NBAS: variants seen among roughly 807,000 people sequenced by gnomAD.
The protein encoded by NBAS is NAG/BC035112 fusion.
In NBAS, 219 loss-of-function variants were observed where a neutral mutation model predicts 302.5. The observed-to-expected ratio is 0.72, with a 90% confidence interval of 0.65 to 0.81. NBAS has a LOEUF of 0.81. Ranked by LOEUF, NBAS falls within the 30% of genes least tolerant of loss-of-function variation. NBAS has a pLI of 0.00. For synonymous variants in NBAS, 1,118 were observed against 1,021.6 expected (o/e 1.09, Z -1.80); for missense variants, 2,932 against 2,841.6 (o/e 1.03, Z -0.72).
chr2:15,328,430 A>T (rs531122418), intron 36 of NBAS, 118 bp from the exon 37 acceptor site: 25 of 841,398 alleles, frequency 3.0e-5, no homozygotes, highest in Non-Finnish European at 4.2e-5. Context: ...ATTTCAAAAG[A>T]AACTGGTAAT....
intron 12 of NBAS, among the ~76,000 whole-genome samples, chr2:15,482,805 A>T (rs183602513): frequency 6.6e-6 from 1 of 152,160 alleles, no homozygotes; most frequent in Non-Finnish European, 1.5e-5. Flanking sequence ...GTTAGCAAGG[A>T]AAATCATTTG....
At chr2:15,178,255 A>C in intron 51 of NBAS, 1 of 446,532 alleles carries the variant, frequency 2.2e-6, no homozygotes, top group Non-Finnish European at 4.5e-6. Flanking sequence ...ATGTATGTGT[A>C]TGTGTATAGT....
At chr2:14,891,883 G>T in the NBAS span, among the ~76,000 whole-genome samples, 1 of 152,196 alleles carries the variant, frequency 6.6e-6, no homozygotes, top group Non-Finnish European at 1.5e-5. Context: ...GTGACAAGAG[G>T]TAGCTGTGGT....
At chr2:15,174,269 C>T (rs1487206183) in intron 51 of NBAS, among the ~76,000 whole-genome samples, 1 of 152,232 alleles carries the variant, frequency 6.6e-6, no homozygotes, top group Non-Finnish European at 1.5e-5. Flanking sequence ...GTTCTCCCCC[C>T]AGCTTGGACA....
the NBAS span, among the ~76,000 whole-genome samples, chr2:14,949,809 A>G: frequency 1.3e-5 from 2 of 152,200 alleles, no homozygotes. Context: ...GGCAAATACC[A>G]CATGTTCTCA....
chr2:14,894,459 T>C, the NBAS span, among the ~76,000 whole-genome samples: 1 of 151,900 alleles, frequency 6.6e-6, no homozygotes, highest in African/African-American at 2.4e-5. Flanking sequence ...TTTTGAAGAG[T>C]TTGAAAAAAT....
the NBAS span, among the ~76,000 whole-genome samples, chr2:14,994,620 C>T: frequency 7.2e-5 from 11 of 152,202 alleles, no homozygotes; most frequent in African/African-American, 2.7e-4. Flanking sequence ...CAGCTATTCC[C>T]CTCACTCTGA....
the NBAS span, among the ~76,000 whole-genome samples, chr2:15,049,192 C>T: frequency 6.6e-6 from 1 of 152,220 alleles, no homozygotes; most frequent in African/African-American, 2.4e-5. Context: ...GACCCTTCCA[C>T]CTGCACCCCC....
chr2:15,357,942 T>C (rs1673705621), intron 32 of NBAS, among the ~76,000 whole-genome samples: 1 of 152,158 alleles, frequency 6.6e-6, no homozygotes, highest in South Asian at 2.1e-4. Context: ...CATTCTTCTG[T>C]GCTCTCATGA....
chr2:14,939,918 C>T, the NBAS span, among the ~76,000 whole-genome samples: 1 of 152,152 alleles, frequency 6.6e-6, no homozygotes, highest in Admixed American at 6.5e-5. Context: ...ATGCTAACAC[C>T]ATCTAGTTTA....
chr2:15,220,535 A>G (rs1275282111), intron 47 of NBAS, among the ~76,000 whole-genome samples: 1 of 152,222 alleles, frequency 6.6e-6, no homozygotes, highest in Admixed American at 6.5e-5. Context: ...CTTGGTTATT[A>G]TAGGACTGTG....
intron 9 of NBAS, among the ~76,000 whole-genome samples, chr2:15,521,555 T>C (rs943185055): frequency 1.3e-5 from 2 of 152,222 alleles, no homozygotes; most frequent in African/African-American, 2.4e-5. Flanking sequence ...ACTTACATTC[T>C]AGTGTATTAG....
chr2:14,821,215 G>A, the NBAS span, among the ~76,000 whole-genome samples: 33 of 152,072 alleles, frequency 2.2e-4, no homozygotes, highest in African/African-American at 7.5e-4. Flanking sequence ...GTGAGCCACC[G>A]CGCCCGGCCA....
chr2:15,164,139 T>C (rs1047819835), downstream of NBAS, among the ~76,000 whole-genome samples: 32 of 152,128 alleles, frequency 2.1e-4, no homozygotes, highest in Non-Finnish European at 4.3e-4. Flanking sequence ...GAGTGTGCCC[T>C]TTGGGAAGGC....
chr2:14,942,654 T>C, the NBAS span, among the ~76,000 whole-genome samples: 1 of 152,234 alleles, frequency 6.6e-6, no homozygotes, highest in Admixed American at 6.5e-5. Context: ...AGACTCTAAC[T>C]CCCACTCCCT....
chr2:15,485,183 A>C (rs1463446355), intron 12 of NBAS, among the ~76,000 whole-genome samples: 1 of 152,154 alleles, frequency 6.6e-6, no homozygotes, highest in East Asian at 1.9e-4. Context: ...CTCAAGAGTT[A>C]AGCATATCTG....
At chr2:15,417,842 G>A (rs565151671) in intron 23 of NBAS, 130 bp from the exon 24 acceptor site, 26 of 869,160 alleles carry the variant, frequency 3.0e-5, no homozygotes, top group South Asian at 5.4e-5. Flanking sequence ...AGTAACATAC[G>A]TTTTTTATTT....
intron 45 of NBAS, among the ~76,000 whole-genome samples, chr2:15,235,334 A>T (rs1216800495): frequency 6.6e-6 from 1 of 152,180 alleles, no homozygotes; most frequent in Non-Finnish European, 1.5e-5. Context: ...TAAGATTAGA[A>T]CCCAAAAGTC....
the NBAS span, among the ~76,000 whole-genome samples, chr2:15,121,336 G>A: frequency 1.3e-5 from 2 of 152,252 alleles, no homozygotes; most frequent in East Asian, 3.9e-4. Context: ...GAACACTACT[G>A]GTGGGACTTC....
Sources: allele counts gnomAD v4.1 joint callset (sites outside exome capture counted in the v4.1 genomes callset), GRCh38; gene constraint gnomAD v4.1.1; transcripts MANE v1.5; gene names NCBI Gene and HGNC (gene_info 2026-07-23, HGNC 2026-07-21).